Variants in CHD9 observed in about 807,000 individuals in gnomAD.
CHD9 encodes the protein ATP-dependent chromatin remodeler CHD9.
A neutral mutation model predicts 316.1 loss-of-function variants in CHD9; 77 were observed. The observed-to-expected ratio is 0.24, with a 90% CI of 0.20 to 0.29. The LOEUF (loss-of-function observed/expected upper bound fraction) is 0.29, where lower values mean the gene tolerates loss of function less well. Among genes scored for constraint, CHD9 ranks in the 10% least tolerant of loss-of-function variants. CHD9 has a pLI of 1.00. For synonymous variants in CHD9, 1,129 were observed against 1,158.3 expected, an observed-to-expected ratio of 0.97 and a Z score of 0.51; for missense variants, 2,763 against 3,438.1, an observed-to-expected ratio of 0.80 and a Z score of 4.91.
Position 53,231,720 on chromosome 16 carries a change from T to C in CHD9, c.2447T>C (p.Val816Ala). Residue 816 changes from valine to alanine, a missense_variant, in exon 10 of 39, where the codon GTA becomes GCA. Physicochemically the swap from Val to Ala is moderately conservative, Grantham distance 64. This residue lies in a region of CHD9 where 186 missense variants were observed against 245.0 expected (regional missense o/e 0.76). Transcript: ENST00000447540. ...EDSTWELKEDVDLAKIEEFEQ... is the reference protein window; with the variant it reads ...EDSTWELKEDADLAKIEEFEQ... ...AGTACTTGGGAACTAAAAGAAGATG[T>C]AGATCTTGCAAAAATAGAAGAGTTT... is the stretch of plus-strand genomic sequence containing the variant. The C allele has an allele frequency of 6.2e-7, 1 of 1,612,080 alleles. No homozygotes were observed. Among genetic ancestry groups the C allele is most frequent in the Non-Finnish European group, 8.5e-7 (1 of 1,178,610 alleles).
intron 10 of CHD9, among the ~76,000 whole-genome samples, chr16:53,233,604 T>G (rs925990734): frequency 2.6e-5 from 4 of 152,070 alleles, no homozygotes; most frequent in African/African-American, 2.4e-5. Context: ...TCCCCTTCCT[T>G]CCTTCCTCCC....
chr16:53,215,659 G>A (rs2046697002), intron 3 of CHD9, among the ~76,000 whole-genome samples: 1 of 151,968 alleles, frequency 6.6e-6, no homozygotes. Context: ...ATGATGAATT[G>A]GATGTATTAA....
chr16:53,150,215 A>T (rs1357141152), intron 1 of CHD9, among the ~76,000 whole-genome samples: 2 of 140,814 alleles, frequency 1.4e-5, no homozygotes, highest in African/African-American at 2.6e-5. Context: ...TTATATTTAG[A>T]TTTTTTTTTT....
chr16:53,183,086 C>G, intron 2 of CHD9, among the ~76,000 whole-genome samples: 1 of 152,166 alleles, frequency 6.6e-6, no homozygotes. Context: ...TTAAAAATAT[C>G]AGCTTCTATA....
At chr16:53,113,051 G>A (rs2037990229) in intron 1 of CHD9, among the ~76,000 whole-genome samples, 1 of 151,928 alleles carries the variant, frequency 6.6e-6, no homozygotes, top group African/African-American at 2.4e-5. Context: ...GTGCTTGGTG[G>A]TGTGTGACTA....
intron 1 of CHD9, among the ~76,000 whole-genome samples, chr16:53,109,895 A>G (rs1050276897): frequency 1.6e-4 from 24 of 150,010 alleles, no homozygotes; most frequent in Admixed American, 8.7e-4. Flanking sequence ...CATTTTAGCC[A>G]GGATGGTCTC....
At position 53,255,626 on chromosome 16, in the gene CHD9, A is replaced by G; in HGVS notation, c.4056A>G (p.Ile1352Met). The G allele has an allele frequency of 1.2e-6, 2 of 1,612,948 alleles. No individual in the cohort carries two copies. Among genetic ancestry groups the G allele is most frequent in the Non-Finnish European group, 1.7e-6 (2 of 1,179,576 alleles). Residue 1352 changes from isoleucine (I) to methionine (M), a missense_variant, in exon 19 of 39, where the codon ATA becomes ATG. Physicochemically the swap from Ile to Met is conservative, Grantham distance 10 (BLOSUM62 1). Coordinates refer to ENST00000447540, the MANE Select transcript of CHD9 (RefSeq NM_001308319.2). Reference sequence around the variant, plus strand: ...TTCAGCAGCTTTCCAAAAAGGAAATAGAAGATCTGCTTCGAAGAGGTGCTT... The same window carrying G: ...TTCAGCAGCTTTCCAAAAAGGAAATGGAAGATCTGCTTCGAAGAGGTGCTT... ...GGIQQLSKKE[I>M]EDLLRRGAYG...
chr16:53,267,301 T>G lies in CHD9; in HGVS notation c.4328T>G (p.Leu1443Trp), dbSNP rs1257095837. 6.2e-7 allele frequency: 1 copy of G among 1,603,722 alleles called. No individual in the cohort carries two copies. Among genetic ancestry groups the G allele is most frequent in the African/African-American group, 1.3e-5 (1 of 74,362 alleles). The change falls in exon 21 of 39, where the codon TTG (leucine) becomes TGG (tryptophan). Residue 1443 changes from leucine (L) to tryptophan (W), a missense_variant. Coordinates refer to ENST00000447540, the MANE Select transcript of CHD9 (RefSeq NM_001308319.2). ...AGCAGTTCTGTTTTACAGAACAGCT[T>G]GGTTATTGACACTCCAAGAATTAGG... ...DIEAISGRNS[L>W]VIDTPRIRKQ...
Position 53,157,081 on chromosome 16 carries a change from CA to C in CHD9, c.993del (p.Leu332Ter). 6.2e-7 allele frequency: 1 copy of C among 1,612,796 alleles called. No individual in the cohort carries two copies. The highest frequency in any genetic ancestry group is 1.7e-4 in the Middle Eastern group (1 of 6,060). On this transcript the variant is annotated frameshift_variant, in exon 2 of 39. Transcript: ENST00000447540. LOFTEE classifies it high-confidence loss of function. ...STQHILNPNT[S>X]LNSNNFQILH... The stretch of plus-strand genomic sequence containing the variant: ...CAGCATATCCTAAACCCCAATACAT[CA>C]TTGAATTCAAATAATTTCCAAATAT...
intron 4 of CHD9, among the ~76,000 whole-genome samples, chr16:53,224,340 G>A (rs1258319672): frequency 1.3e-5 from 2 of 152,058 alleles, no homozygotes; most frequent in African/African-American, 4.8e-5. Context: ...AAAGATAATT[G>A]GTGAGAATGA....
intron 1 of CHD9, among the ~76,000 whole-genome samples, chr16:53,091,003 C>CG (rs993855415): frequency 2.1e-5 from 3 of 144,310 alleles, no homozygotes; most frequent in South Asian, 2.1e-4. Context: ...AACAGCTCAC[C>CG]CCCCCCCGAC....
chr16:53,162,298 G>A lies in CHD9; in HGVS notation c.1452+4757G>A, dbSNP rs146303025. On this transcript the variant is annotated intron_variant, in intron 2 of 38. Coordinates refer to ENST00000447540, the MANE Select transcript of CHD9 (RefSeq NM_001308319.2). The stretch of plus-strand genomic sequence containing the variant: ...AAAAGAAAAAAAGTGAGAAGCTATA[G>A]CAAGTGTTTCCAAATGTAAGTATGT... Among the ~76,000 whole-genome samples, 140 of 152,266 alleles carry A rather than the reference G, an allele frequency of 9.2e-4. 1 individual carries two copies. Among genetic ancestry groups the A allele is most frequent in the African/African-American group, 3.0e-3 (126 of 41,558 alleles).
rs767940826 is a variant in CHD9, at chr16:53,231,691, A to G, written c.2418A>G (p.Glu806=). 1 of 1,608,098 alleles carries G rather than the reference A, an allele frequency of 6.2e-7. No homozygotes were observed. The highest frequency in any genetic ancestry group is 8.5e-7 in the Non-Finnish European group (1 of 1,176,256). The change falls in exon 10 of 39, where the codon GAA becomes GAG. Residue 806 remains glutamate, a synonymous_variant. Coordinates refer to ENST00000447540, the MANE Select transcript of CHD9 (RefSeq NM_001308319.2). ...TAAAATGGTGCTCATTGCCATATGA[A>G]GATAGTACTTGGGAACTAAAAGAAG... ...YLVKWCSLPY[E]DSTWELKEDV...
At chr16:53,203,300 T>G (rs945383663) in intron 2 of CHD9, among the ~76,000 whole-genome samples, 85 of 152,218 alleles carry the variant, frequency 5.6e-4, no homozygotes, top group African/African-American at 2.0e-3. Context: ...TCCTTTTGAC[T>G]GCAGAGGTTT....
chr16:53,074,910 G>A (rs1301838357), intron 1 of CHD9, among the ~76,000 whole-genome samples: 1 of 152,182 alleles, frequency 6.6e-6, no homozygotes, highest in Non-Finnish European at 1.5e-5. Flanking sequence ...GTGAGAAGAG[G>A]GCCACCATCC....
At chr16:53,259,988 T>C (rs1368694078) in intron 19 of CHD9, among the ~76,000 whole-genome samples, 1 of 152,214 alleles carries the variant, frequency 6.6e-6, no homozygotes, top group African/African-American at 2.4e-5. Context: ...ATAATGAAGA[T>C]ATTAAAGTAT....
intron 19 of CHD9, among the ~76,000 whole-genome samples, chr16:53,260,951 A>G (rs1009195014): frequency 6.6e-6 from 1 of 152,182 alleles, no homozygotes; most frequent in Admixed American, 6.6e-5. Flanking sequence ...TCCCTTTTCC[A>G]TATAAGACAA....
chr16:53,194,925 T>C (rs1224019416), intron 2 of CHD9, among the ~76,000 whole-genome samples: 1 of 152,220 alleles, frequency 6.6e-6, no homozygotes, highest in Non-Finnish European at 1.5e-5. Flanking sequence ...ATAATTTGTT[T>C]TTAGTGTCAA....
At chr16:53,085,192 C>G (rs1355024761) in intron 1 of CHD9, among the ~76,000 whole-genome samples, 5 of 151,948 alleles carry the variant, frequency 3.3e-5, no homozygotes, top group Non-Finnish European at 4.4e-5. Flanking sequence ...TTGCTGTCTC[C>G]AGTCCCCACC....
Sources: gnomAD v4.1 joint callset for allele counts (sites outside exome capture counted in the v4.1 genomes callset) on GRCh38, gnomAD v4.1.1 for gene constraint, gnomAD v4.1.1 regional missense constraint, MANE v1.5 for transcripts, NCBI Gene and HGNC (gene_info 2026-07-23, HGNC 2026-07-21) for gene names.